ZNF804A: variants seen among roughly 807,000 people sequenced by gnomAD.
ZNF804A encodes the protein zinc finger protein 804A.
A neutral mutation model predicts 16.5 loss-of-function variants in ZNF804A; 2 were observed. That is an observed-to-expected ratio of 0.12 (90% CI 0.05 to 0.38). ZNF804A has a LOEUF of 0.38. Among genes scored for constraint, ZNF804A ranks in the 10% least tolerant of loss-of-function variants. ZNF804A has a pLI of 0.99. For synonymous variants in ZNF804A, 534 were observed against 489.6 expected, an observed-to-expected ratio of 1.09 and a Z score of -1.20; for missense variants, 1,473 against 1,390.7, an observed-to-expected ratio of 1.06 and a Z score of -0.94.
At chr2:184,920,821 A>G (rs2105836637) in intron 2 of ZNF804A, among the ~76,000 whole-genome samples, 1 of 152,296 alleles carries the variant, frequency 6.6e-6, no homozygotes, top group South Asian at 2.1e-4. Context: ...ACCACAAGGA[A>G]ATGAATTCCA....
At chr2:184,918,111 G>A (rs1015015906) in intron 2 of ZNF804A, among the ~76,000 whole-genome samples, 1 of 152,076 alleles carries the variant, frequency 6.6e-6, no homozygotes, top group Non-Finnish European at 1.5e-5. Flanking sequence ...GGGATGTCCT[G>A]TATTCCAGAT....
At position 184,938,384 on chromosome 2, in the gene ZNF804A, A is replaced by G. The variant is rs766272024; in HGVS notation, c.2988A>G (p.Ser996=). 2.5e-6 allele frequency: 4 copies of G among 1,614,154 alleles called. No homozygotes were observed. The highest frequency in any genetic ancestry group is 3.4e-6 in the Non-Finnish European group (4 of 1,180,024). ...ETPTEWLRYN[S]GILNTQPPLP... is the part of the protein sequence containing the mutation. ...CAACTGAGTGGCTGCGTTATAATTC[A>G]GGAATCCTTAACACACAACCACCAT... Residue 996 remains serine (S), a synonymous_variant, in exon 4 of 4, where the codon TCA becomes TCG. Coordinates refer to ENST00000302277, the MANE Select transcript of ZNF804A (RefSeq NM_194250.2).
rs201884581 is a variant in ZNF804A at position 184,938,745 on chromosome 2, G to A, written c.3349G>A (p.Ala1117Thr). The change falls in exon 4 of 4, where the codon GCA becomes ACA. Residue 1117 changes from alanine to threonine, a missense_variant. Physicochemically the swap from Ala to Thr is moderately conservative, Grantham distance 58. Coordinates refer to ENST00000302277, the MANE Select transcript of ZNF804A (RefSeq NM_194250.2). ...AGCTGCTGCAGCTGCAGCTGCAGCC[G>A]CAGCTGCAGGAACCTTTAAAGTGCT... ...AAAAAAAAAA[A>T]AAGTFKVLQP... 1.5e-5 allele frequency: 24 copies of A among 1,611,286 alleles called. No individual in the cohort carries two copies. The highest frequency in any genetic ancestry group is 3.3e-5 in the South Asian group (3 of 91,022).
At chr2:184,710,218 T>G (rs1693104070) in intron 1 of ZNF804A, among the ~76,000 whole-genome samples, 1 of 151,650 alleles carries the variant, frequency 6.6e-6, no homozygotes, top group African/African-American at 2.4e-5. Flanking sequence ...TTGAAGTACG[T>G]GGGCATGGGT....
chr2:184,795,152 G>A (rs1694611971), intron 1 of ZNF804A, among the ~76,000 whole-genome samples: 1 of 151,942 alleles, frequency 6.6e-6, no homozygotes, highest in Non-Finnish European at 1.5e-5. Context: ...TTTCTCCAGG[G>A]TAGACCATAT....
chr2:184,887,845 A>C (rs1684920634), intron 2 of ZNF804A, among the ~76,000 whole-genome samples: 1 of 152,174 alleles, frequency 6.6e-6, no homozygotes, highest in Non-Finnish European at 1.5e-5. Flanking sequence ...ATATCAGGCC[A>C]CTATCTTAAG....
intron 1 of ZNF804A, among the ~76,000 whole-genome samples, chr2:184,819,214 A>G (rs2105790165): frequency 6.6e-6 from 1 of 152,210 alleles, no homozygotes; most frequent in East Asian, 1.9e-4. Context: ...AATTAAAAAA[A>G]AAGTCTGTCA....
intron 1 of ZNF804A, among the ~76,000 whole-genome samples, chr2:184,733,381 C>A (rs10165596): frequency 6.6e-6 from 1 of 151,882 alleles, no homozygotes; most frequent in Admixed American, 6.6e-5. Flanking sequence ...ATAAATTACA[C>A]TTAGTTGTGA....
chr2:184,682,928 A>C (rs1331303803), intron 1 of ZNF804A, among the ~76,000 whole-genome samples: 1 of 152,202 alleles, frequency 6.6e-6, no homozygotes, highest in African/African-American at 2.4e-5. Flanking sequence ...GAATCACCTG[A>C]GTTTACAAAG....
At position 184,618,578 on chromosome 2, in the gene ZNF804A, A is replaced by G. The variant is rs80042520; in HGVS notation, c.111+19508A>G. On this transcript the variant is annotated intron_variant, in intron 1 of 3. Coordinates refer to ENST00000302277, the MANE Select transcript of ZNF804A (RefSeq NM_194250.2). ...TACCATGGAACGTTAGCATCCTCGG[A>G]TTTTGGTATCGCTGGGATTCCTGGA... Among the ~76,000 whole-genome samples, 1,195 of 152,222 alleles carry G rather than the reference A, an allele frequency of 7.9e-3. 10 individuals carry two copies. The highest frequency in any genetic ancestry group is 0.013 in the Non-Finnish European group (850 of 67,986).
intron 1 of ZNF804A, among the ~76,000 whole-genome samples, chr2:184,837,836 CAG>C (rs1695377942): frequency 6.6e-6 from 1 of 152,142 alleles, no homozygotes; most frequent in Non-Finnish European, 1.5e-5. Flanking sequence ...CTGGCATGAA[CAG>C]CTCTGCCCTC....
chr2:184,797,804 C>T (rs1694657177), intron 1 of ZNF804A, among the ~76,000 whole-genome samples: 2 of 151,680 alleles, frequency 1.3e-5, no homozygotes, highest in African/African-American at 4.8e-5. Flanking sequence ...TTTATAAGTC[C>T]TCTGTGATTT....
intron 1 of ZNF804A, among the ~76,000 whole-genome samples, chr2:184,780,385 A>C (rs557720038): frequency 1.8e-4 from 27 of 151,874 alleles, no homozygotes; most frequent in Admixed American, 3.3e-4. Flanking sequence ...TTTTTAAAAA[A>C]ATTATGGTAA....
intron 1 of ZNF804A, among the ~76,000 whole-genome samples, chr2:184,765,659 G>T (rs1694113207): frequency 6.8e-6 from 1 of 146,628 alleles, no homozygotes; most frequent in Non-Finnish European, 1.5e-5. Flanking sequence ...TGCTCAGTCG[G>T]GGAGCTCAGC....
At chr2:184,715,437 G>A (rs1230969056) in intron 1 of ZNF804A, among the ~76,000 whole-genome samples, 3 of 152,052 alleles carry the variant, frequency 2.0e-5, no homozygotes, top group Non-Finnish European at 2.9e-5. Flanking sequence ...CAAGCTGGAG[G>A]GCAGCAGGAT....
chr2:184,689,312 C>A (rs569449086), intron 1 of ZNF804A, among the ~76,000 whole-genome samples: 1 of 152,158 alleles, frequency 6.6e-6, no homozygotes, highest in Non-Finnish European at 1.5e-5. Flanking sequence ...TCAAGTAACA[C>A]TGATGAAAAA....
intron 1 of ZNF804A, among the ~76,000 whole-genome samples, chr2:184,832,000 A>G (rs1396799246): frequency 1.3e-5 from 2 of 152,050 alleles, no homozygotes; most frequent in Non-Finnish European, 1.5e-5. Flanking sequence ...AAGGAGATTC[A>G]AGGATAAATA....
intron 1 of ZNF804A, among the ~76,000 whole-genome samples, chr2:184,710,306 T>A (rs1693105400): frequency 6.6e-6 from 1 of 151,656 alleles, no homozygotes; most frequent in South Asian, 2.1e-4. Flanking sequence ...AATAATATTT[T>A]TCCTACTGTT....
At chr2:184,846,063 CTTT>C (rs2105801933) in intron 1 of ZNF804A, among the ~76,000 whole-genome samples, 1 of 152,176 alleles carries the variant, frequency 6.6e-6, no homozygotes, top group South Asian at 2.1e-4. Context: ...CATAGATTTT[CTTT>C]TATTAGGACA....
Sources: gnomAD v4.1 joint callset for allele counts (sites outside exome capture counted in the v4.1 genomes callset) on GRCh38, gnomAD v4.1.1 for gene constraint, MANE v1.5 for transcripts, NCBI Gene and HGNC (gene_info 2026-07-23, HGNC 2026-07-21) for gene names.